The following SGCZ variants were observed in gnomAD, a reference collection of about 807,000 sequenced individuals.
SGCZ encodes sarcoglycan zeta.
In SGCZ, 40 loss-of-function variants were observed where a neutral mutation model predicts 41.3. The observed-to-expected ratio is 0.97, with a 90% confidence interval of 0.75 to 1.26. The LOEUF is 1.26. Ranked by LOEUF, SGCZ falls within the 50% of genes most tolerant of loss-of-function variation. The pLI is 0.00. For missense variants in SGCZ, 552 were observed against 369.8 expected, an observed-to-expected ratio of 1.49 and a Z score of -4.04; for synonymous variants, 206 against 137.5, an observed-to-expected ratio of 1.50 and a Z score of -3.49.
intron 2 of SGCZ, among the ~76,000 whole-genome samples, chr8:14,460,953 C>T (rs1373104199): frequency 6.6e-6 from 1 of 152,104 alleles, no homozygotes; most frequent in Non-Finnish European, 1.5e-5. Context: ...GAATCAGATC[C>T]TGAACCTAGA....
chr8:15,140,277 G>A (rs1808272895), intron 1 of SGCZ, among the ~76,000 whole-genome samples: 1 of 151,990 alleles, frequency 6.6e-6, no homozygotes, highest in South Asian at 2.1e-4. Context: ...CTCCCACATT[G>A]GCCTCCCAAA....
chr8:15,101,131 C>T (rs1194204702), intron 1 of SGCZ, among the ~76,000 whole-genome samples: 1 of 152,154 alleles, frequency 6.6e-6, no homozygotes, highest in East Asian at 1.9e-4. Context: ...ACGTAAAACT[C>T]AAGACTATGA....
intron 4 of SGCZ, among the ~76,000 whole-genome samples, chr8:14,212,214 G>A (rs1327834706): frequency 6.6e-6 from 1 of 151,958 alleles, no homozygotes; most frequent in Non-Finnish European, 1.5e-5. Flanking sequence ...ACCCACACTG[G>A]CTCCTCCCTT....
chr8:14,112,292 G>A lies in SGCZ; in HGVS notation c.548-4057C>T, dbSNP rs1324554318. The stretch of plus-strand genomic sequence containing the variant: ...TGAGTTTTTTTTTTTGTGGGGGGGG[G>A]GTGCAAAGAAGGGAATGGATTTTAT... On this transcript the variant is annotated intron_variant, in intron 5 of 7. Coordinates refer to ENST00000382080, the MANE Select transcript of SGCZ (RefSeq NM_139167.4). Among the ~76,000 whole-genome samples, 11 of 145,724 alleles carry A rather than the reference G, an allele frequency of 7.5e-5. No individual in the cohort carries two copies. The South Asian group carries it at 2.0e-3, about 26-fold the overall frequency.
chr8:14,790,414 C>T (rs1554500030), intron 1 of SGCZ, among the ~76,000 whole-genome samples: 1 of 152,096 alleles, frequency 6.6e-6, no homozygotes, highest in Admixed American at 6.6e-5. Context: ...CAAATGTACA[C>T]TGTATTTCAG....
chr8:15,036,157 A>T lies in SGCZ; in HGVS notation c.39+201428T>A, dbSNP rs890844446. On this transcript the variant is annotated intron_variant, in intron 1 of 7. Coordinates refer to ENST00000382080, the MANE Select transcript of SGCZ (RefSeq NM_139167.4). ...GAAATGAAAAAGGAGATGTTACACT[A>T]ATACTACAGAAATAAAGTAGATCAT... Among the ~76,000 whole-genome samples, 4 of 152,262 alleles carry T rather than the reference A, an allele frequency of 2.6e-5. No individual in the cohort carries two copies. In the East Asian group the frequency reaches 5.8e-4, roughly 22 times the overall value.
intron 2 of SGCZ, among the ~76,000 whole-genome samples, chr8:14,486,339 G>A (rs571383537): frequency 1.3e-5 from 2 of 152,158 alleles, no homozygotes; most frequent in Non-Finnish European, 2.9e-5. Context: ...GTGTCTGGGA[G>A]AAGAAATGGA....
intron 2 of SGCZ, among the ~76,000 whole-genome samples, chr8:14,524,455 G>T (rs1407847532): frequency 6.6e-6 from 1 of 152,022 alleles, no homozygotes; most frequent in African/African-American, 2.4e-5. Context: ...GACCCTCAGT[G>T]ATACTGTAGT....
chr8:14,280,268 T>C (rs1467575238), intron 3 of SGCZ, among the ~76,000 whole-genome samples: 1 of 151,758 alleles, frequency 6.6e-6, no homozygotes, highest in African/African-American at 2.4e-5. Flanking sequence ...AGGAGAAAAA[T>C]ATGATATTCA....
intron 2 of SGCZ, among the ~76,000 whole-genome samples, chr8:14,397,087 A>C (rs1284699537): frequency 1.3e-5 from 2 of 152,098 alleles, no homozygotes; most frequent in African/African-American, 4.8e-5. Flanking sequence ...ACGTTACGTA[A>C]ATTTTAATAC....
intron 3 of SGCZ, among the ~76,000 whole-genome samples, chr8:14,274,432 G>T (rs748160613): frequency 5.9e-5 from 9 of 152,090 alleles, no homozygotes; most frequent in Admixed American, 1.3e-4. Flanking sequence ...CTCAGATAGG[G>T]TTTAACAAGA....
At chr8:14,688,974 C>G (rs1435297203) in intron 1 of SGCZ, among the ~76,000 whole-genome samples, 1 of 151,688 alleles carries the variant, frequency 6.6e-6, no homozygotes, top group Admixed American at 6.6e-5. Flanking sequence ...CAATAACAGA[C>G]AAACAGAGAG....
intron 1 of SGCZ, among the ~76,000 whole-genome samples, chr8:15,049,553 G>A (rs1184722650): frequency 6.6e-6 from 1 of 152,138 alleles, no homozygotes; most frequent in African/African-American, 2.4e-5. Context: ...ATGATTTAGA[G>A]AAGGCCAGGA....
intron 1 of SGCZ, among the ~76,000 whole-genome samples, chr8:14,743,025 A>G (rs1467908912): frequency 6.6e-6 from 1 of 152,210 alleles, no homozygotes; most frequent in Non-Finnish European, 1.5e-5. Context: ...TCACCACTTC[A>G]CTAATCTGCT....
At chr8:14,267,849 G>T (rs1799927192) in intron 3 of SGCZ, among the ~76,000 whole-genome samples, 1 of 151,776 alleles carries the variant, frequency 6.6e-6, no homozygotes, top group Non-Finnish European at 1.5e-5. Context: ...CATATTCTTT[G>T]CTCAAGGTAT....
At chr8:14,381,417 C>G (rs989507356) in intron 2 of SGCZ, among the ~76,000 whole-genome samples, 8 of 152,094 alleles carry the variant, frequency 5.3e-5, no homozygotes, top group African/African-American at 7.2e-5. Flanking sequence ...CATATTTTAC[C>G]ACTTCCTGCC....
At chr8:14,844,659 T>C (rs1803041179) in intron 1 of SGCZ, among the ~76,000 whole-genome samples, 1 of 152,166 alleles carries the variant, frequency 6.6e-6, no homozygotes, top group Non-Finnish European at 1.5e-5. Flanking sequence ...TAAAGATGAC[T>C]AATACAGCTA....
chr8:14,981,666 G>A (rs563308553), intron 1 of SGCZ, among the ~76,000 whole-genome samples: 1 of 152,270 alleles, frequency 6.6e-6, no homozygotes, highest in South Asian at 2.1e-4. Context: ...ACTCACCACA[G>A]CCAATGTACA....
chr8:14,570,874 C>G (rs187320445), intron 1 of SGCZ, among the ~76,000 whole-genome samples: 83 of 152,162 alleles, frequency 5.5e-4, no homozygotes, highest in Non-Finnish European at 1.0e-3. Flanking sequence ...GTTAATATAT[C>G]TGAAATGACT....
Sources: allele counts gnomAD v4.1 joint callset (sites outside exome capture counted in the v4.1 genomes callset), GRCh38; gene constraint gnomAD v4.1.1; transcripts MANE v1.5; gene names NCBI Gene and HGNC (gene_info 2026-07-23, HGNC 2026-07-21).